The following CSMD2 variants were observed in gnomAD, a reference collection of about 807,000 sequenced individuals.
CSMD2 encodes CUB and sushi domain-containing protein 2.
Under a neutral mutation model 398.5 loss-of-function variants are expected in CSMD2, and 130 were observed. That is an observed-to-expected ratio of 0.33 (90% CI 0.28 to 0.38). The LOEUF is 0.38. Among genes scored for constraint, CSMD2 ranks in the 10% least tolerant of loss-of-function variants. The probability of loss-of-function intolerance (pLI) is 1.00; values close to 1 mark genes in which losing one functional copy is unlikely to be tolerated. For synonymous variants in CSMD2, 1,828 were observed against 1,908.5 expected (o/e 0.96, Z 1.10); for missense variants, 3,829 against 4,764.9 (o/e 0.80, Z 5.78).
rs1388277112 is a variant in CSMD2 at position 33,610,752 on chromosome 1, C to CT, written c.6343+288dup. 2.0e-5 allele frequency among the ~76,000 whole-genome samples: 3 copies of CT among 152,294 alleles called. No individual in the cohort carries two copies. In the East Asian group the frequency reaches 5.8e-4, roughly 29 times the overall value. On this transcript the variant is annotated intron_variant, in intron 41 of 70. Transcript: ENST00000373381. Reference sequence around the variant, plus strand: ...TGACTGGCTGGACAGTTTGGGACACCTGAGAAGGCACAGATGGGCCACTTG... The same window carrying CT: ...TGACTGGCTGGACAGTTTGGGACACCTTGAGAAGGCACAGATGGGCCACTTG...
rs372754000 is a variant in CSMD2, at chr1:33,521,429, G to A, written c.10597+34C>T. ...CACACGGTTTCTCTCCCACCCACCC[G>A]GGCCCACACTTCCGGGGGACAAGCA... is the stretch of plus-strand genomic sequence containing the variant. On this transcript the variant is annotated intron_variant, in intron 68 of 70. Transcript: ENST00000373381. 209 of 654,346 alleles carry A rather than the reference G, an allele frequency of 3.2e-4. No homozygotes were observed. The East Asian group carries it at 6.2e-3, about 19-fold the overall frequency. 40.5% of individuals were successfully genotyped at this position (654,346 alleles called of 1,614,324 possible). A position where few individuals can be genotyped will look rare whatever the true frequency, so the allele number is the denominator to read the frequency against.
intron 5 of CSMD2, among the ~76,000 whole-genome samples, chr1:33,872,928 T>C (rs1207070689): frequency 6.6e-6 from 1 of 152,234 alleles, no homozygotes. Context: ...AGTCTTTTCC[T>C]GGCTGGATTT....
At chr1:33,966,834 T>C (rs1488995303) in intron 3 of CSMD2, among the ~76,000 whole-genome samples, 1 of 151,640 alleles carries the variant, frequency 6.6e-6, no homozygotes. Flanking sequence ...CGGTTGAGAG[T>C]GTTGTGAGTA....
Position 33,796,270 on chromosome 1 carries a change from T to C in CSMD2, c.1447-3744A>G, listed in dbSNP as rs551291142. ...AATTCTGTTCTGAACACTTTACACA[T>C]ATCAACTCATGAGAAATGCAGCACT... On this transcript the variant is annotated intron_variant, in intron 10 of 70. Coordinates refer to ENST00000373381, the MANE Select transcript of CSMD2 (RefSeq NM_001281956.2). Among the ~76,000 whole-genome samples, 9 of 152,312 alleles carry C rather than the reference T, an allele frequency of 5.9e-5. No homozygotes were observed. The East Asian group carries it at 1.7e-3, about 29-fold the overall frequency.
At chr1:33,997,443 C>A (rs1375772856) in intron 3 of CSMD2, among the ~76,000 whole-genome samples, 1 of 152,204 alleles carries the variant, frequency 6.6e-6, no homozygotes, top group African/African-American at 2.4e-5. Context: ...GAATGAGAAG[C>A]TGCTCTGATC....
chr1:33,768,685 A>G (rs923896929), intron 13 of CSMD2, among the ~76,000 whole-genome samples: 5 of 151,734 alleles, frequency 3.3e-5, no homozygotes, highest in Admixed American at 2.6e-4. Context: ...TCTGTGGGCC[A>G]TTTCCCACAG....
intron 2 of CSMD2, among the ~76,000 whole-genome samples, chr1:34,039,279 G>A (rs906273808): frequency 6.6e-6 from 1 of 152,158 alleles, no homozygotes; most frequent in African/African-American, 2.4e-5. Flanking sequence ...TGCCAGGAGG[G>A]AGGCTTGAAC....
At chr1:33,923,994 C>CA (rs1334748479) in intron 4 of CSMD2, among the ~76,000 whole-genome samples, 1 of 152,232 alleles carries the variant, frequency 6.6e-6, no homozygotes, top group Non-Finnish European at 1.5e-5. Flanking sequence ...AACCTCTCTT[C>CA]ATGCCCTACA....
intron 5 of CSMD2, among the ~76,000 whole-genome samples, chr1:33,877,104 T>C (rs1640892633): frequency 6.6e-6 from 1 of 152,190 alleles, no homozygotes; most frequent in Admixed American, 6.5e-5. Flanking sequence ...GCAAGATCGA[T>C]GTGTGGGCAG....
chr1:33,761,152 C>T (rs1218492258), intron 13 of CSMD2, among the ~76,000 whole-genome samples: 1 of 152,158 alleles, frequency 6.6e-6, no homozygotes, highest in African/African-American at 2.4e-5. Flanking sequence ...CTGAACAGCC[C>T]TTCACTTGAG....
intron 2 of CSMD2, among the ~76,000 whole-genome samples, chr1:34,076,220 A>G (rs1234978405): frequency 1.3e-5 from 2 of 152,222 alleles, no homozygotes; most frequent in Non-Finnish European, 2.9e-5. Context: ...GCCAGTACAT[A>G]GCATCAGTGA....
intron 2 of CSMD2, among the ~76,000 whole-genome samples, chr1:34,081,172 A>T (rs1331667739): frequency 6.6e-6 from 1 of 152,172 alleles, no homozygotes. Flanking sequence ...TCAGTAGATT[A>T]AAAATCATGC....
chr1:33,803,765 C>A (rs1655892123), intron 10 of CSMD2, among the ~76,000 whole-genome samples: 1 of 147,278 alleles, frequency 6.8e-6, no homozygotes, highest in Admixed American at 6.6e-5. Context: ...GGTCTTTCTC[C>A]TTCCAGTATC....
chr1:33,820,358 T>C (rs1657968548), intron 8 of CSMD2, 111 bp downstream of exon 8: 2 of 757,178 alleles, frequency 2.6e-6, no homozygotes, highest in Admixed American at 1.8e-5. Flanking sequence ...TCTGTTCCTA[T>C]ATCCATGCCA....
chr1:33,557,690 C>T (rs770242962), intron 55 of CSMD2, 44 bp downstream of exon 55: 30 of 1,512,360 alleles, frequency 2.0e-5, no homozygotes, highest in African/African-American at 2.8e-5. Context: ...TTCTTTGACA[C>T]GGGCCACCCC....
chr1:33,810,609 T>TA (rs11418676), intron 10 of CSMD2, 134 bp downstream of exon 10: 324,348 of 722,670 alleles, frequency 0.45, 48,503 homozygotes, highest in African/African-American at 0.52. Context: ...TCGATATTAA[T>TA]AAAAAAAAAA....
chr1:33,654,139 T>C (rs939436645), intron 27 of CSMD2, among the ~76,000 whole-genome samples: 15 of 152,142 alleles, frequency 9.9e-5, no homozygotes, highest in African/African-American at 3.6e-4. Flanking sequence ...TGCTTTTTGT[T>C]CCATGGGAAA....
At chr1:33,718,470 C>G (rs959162436) in intron 19 of CSMD2, among the ~76,000 whole-genome samples, 5 of 152,174 alleles carry the variant, frequency 3.3e-5, no homozygotes, top group Non-Finnish European at 7.4e-5. Flanking sequence ...AGAATCACAC[C>G]AAGTGAGTAT....
intron 10 of CSMD2, among the ~76,000 whole-genome samples, chr1:33,808,507 T>A (rs1406407000): frequency 2.0e-5 from 3 of 152,056 alleles, no homozygotes; most frequent in Middle Eastern, 3.4e-3. Context: ...GCTTAAAAGA[T>A]GAAACAATAA....
Sources: gnomAD v4.1 joint callset for allele counts (sites outside exome capture counted in the v4.1 genomes callset) on GRCh38, gnomAD v4.1.1 for gene constraint, MANE v1.5 for transcripts, NCBI Gene and HGNC (gene_info 2026-07-23, HGNC 2026-07-21) for gene names.